The following CEP128 variants were observed in gnomAD, a reference collection of about 807,000 sequenced individuals.
CEP128 encodes the protein centrosomal protein 128.
CEP128 carries 132 observed loss-of-function variants against 156.7 expected under a neutral mutation model. The observed-to-expected ratio is 0.84, with a 90% CI of 0.73 to 0.97. The LOEUF is 0.97. Among genes scored for constraint, CEP128 ranks in the 50% least tolerant of loss-of-function variants. The pLI is 0.00. For synonymous variants in CEP128, 469 were observed against 448.9 expected (o/e 1.04, Z -0.57); for missense variants, 1,252 against 1,281.9 (o/e 0.98, Z 0.36).
At chr14:80,488,701 A>C (rs1887227451), downstream of CEP128, among the ~76,000 whole-genome samples, 1 of 152,208 alleles carries the variant, frequency 6.6e-6, no homozygotes, top group South Asian at 2.1e-4. Context: ...TTATTGCGGC[A>C]CTATTCAAAA....
chr14:80,681,574 C>G (rs930239824), intron 19 of CEP128, among the ~76,000 whole-genome samples: 9 of 152,118 alleles, frequency 5.9e-5, no homozygotes, highest in African/African-American at 2.2e-4. Flanking sequence ...GGGGTGGTTT[C>G]CCCCATGTTG....
intron 8 of CEP128, among the ~76,000 whole-genome samples, chr14:80,868,025 A>T (rs1350749457): frequency 2.0e-5 from 3 of 152,166 alleles, no homozygotes; most frequent in Non-Finnish European, 2.9e-5. Flanking sequence ...TTCTCAGCAG[A>T]AACCAGGAGA....
intron 19 of CEP128, among the ~76,000 whole-genome samples, chr14:80,620,704 C>G (rs1257779050): frequency 1.3e-5 from 2 of 152,062 alleles, no homozygotes; most frequent in Non-Finnish European, 2.9e-5. Context: ...TTGAAAGAAC[C>G]AGGAAATGAT....
At chr14:80,854,467 C>T (rs1474170752) in intron 9 of CEP128, among the ~76,000 whole-genome samples, 1 of 152,010 alleles carries the variant, frequency 6.6e-6, no homozygotes, top group Non-Finnish European at 1.5e-5. Context: ...TATATATAGT[C>T]TATATACATC....
At chr14:80,908,246 G>C (rs909663986) in intron 4 of CEP128, among the ~76,000 whole-genome samples, 4 of 151,692 alleles carry the variant, frequency 2.6e-5, no homozygotes, top group Non-Finnish European at 5.9e-5. Context: ...AAATTCTCAG[G>C]CATCATCTTT....
chr14:80,609,118 A>G (rs1011378406), intron 19 of CEP128, among the ~76,000 whole-genome samples: 8 of 152,206 alleles, frequency 5.3e-5, no homozygotes, highest in Non-Finnish European at 7.3e-5. Flanking sequence ...AAGATTATAA[A>G]TTTCTACAGT....
intron 10 of CEP128, among the ~76,000 whole-genome samples, chr14:80,840,082 C>T (rs1365561541): frequency 6.6e-6 from 1 of 152,082 alleles, no homozygotes; most frequent in African/African-American, 2.4e-5. Context: ...AGCAATAATA[C>T]GGAGTAAAGA....
chr14:80,615,385 T>A (rs1893166843), intron 19 of CEP128, among the ~76,000 whole-genome samples: 1 of 151,984 alleles, frequency 6.6e-6, no homozygotes, highest in African/African-American at 2.4e-5. Flanking sequence ...AGCCGTAGAG[T>A]ATCTCCAAAA....
intron 6 of CEP128, among the ~76,000 whole-genome samples, chr14:80,903,336 C>A (rs1331093513): frequency 6.6e-6 from 1 of 152,012 alleles, no homozygotes; most frequent in East Asian, 1.9e-4. Context: ...TTATAACACA[C>A]AAAAAAGTCA....
chr14:80,802,824 T>C (rs1381047593), intron 13 of CEP128, among the ~76,000 whole-genome samples: 1 of 152,210 alleles, frequency 6.6e-6, no homozygotes, highest in Non-Finnish European at 1.5e-5. Flanking sequence ...ATGCTAACAC[T>C]AGGATATTAA....
At chr14:80,887,586 C>G (rs1888870099) in intron 8 of CEP128, among the ~76,000 whole-genome samples, 1 of 152,076 alleles carries the variant, frequency 6.6e-6, no homozygotes, top group Non-Finnish European at 1.5e-5. Flanking sequence ...CCAATGAGAA[C>G]AAAGACACAA....
At chr14:80,592,017 G>T (rs1003135545) in intron 19 of CEP128, among the ~76,000 whole-genome samples, 1 of 152,160 alleles carries the variant, frequency 6.6e-6, no homozygotes, top group African/African-American at 2.4e-5. Flanking sequence ...TGTTTAGAGG[G>T]AAATTTATAG....
At chr14:80,861,749 G>A (rs899047045) in intron 9 of CEP128, among the ~76,000 whole-genome samples, 7 of 152,176 alleles carry the variant, frequency 4.6e-5, no homozygotes, top group South Asian at 2.1e-4. Flanking sequence ...TGAATAAAAC[G>A]TATAGATTAA....
At position 80,827,107 on chromosome 14, in the gene CEP128, T is replaced by A. The variant is rs369475510; in HGVS notation, c.1209+4036A>T. Among the ~76,000 whole-genome samples the A allele has an allele frequency of 7.9e-5, 12 of 152,324 alleles. No individual in the cohort carries two copies. In the East Asian group the frequency reaches 1.7e-3, roughly 22 times the overall value. On this transcript the variant is annotated intron_variant, in intron 13 of 24. Coordinates refer to ENST00000555265, the MANE Select transcript of CEP128 (RefSeq NM_152446.5). ...TAATGTAAAACAACTGCTTGAAATA[T>A]ATATTCTGGATCAACAAAAACTAAT...
chr14:80,832,494 A>G (rs1885859533), intron 12 of CEP128, among the ~76,000 whole-genome samples: 1 of 152,228 alleles, frequency 6.6e-6, no homozygotes, highest in South Asian at 2.1e-4. Flanking sequence ...TCAAAATTGT[A>G]CATATTAGAA....
At chr14:80,956,028 C>T (rs1353488846) in intron 2 of CEP128, 1 of 728,376 alleles carries the variant, frequency 1.4e-6, no homozygotes, top group South Asian at 1.7e-5. Context: ...ATCGCCCACA[C>T]TTGGGAAGGT....
At chr14:80,534,031 A>G (rs1290214930) in intron 21 of CEP128, among the ~76,000 whole-genome samples, 1 of 152,226 alleles carries the variant, frequency 6.6e-6, no homozygotes, top group Non-Finnish European at 1.5e-5. Flanking sequence ...GGCATTTGCA[A>G]CAACAAGATG....
chr14:80,488,291 AAAAC>A (rs1359256800), downstream of CEP128, among the ~76,000 whole-genome samples: 1 of 124,886 alleles, frequency 8.0e-6, no homozygotes, highest in African/African-American at 2.7e-5. Flanking sequence ...TTACAAGAAA[AAAAC>A]AAACAACCCC....
At chr14:80,677,994 A>C (rs1896134615) in intron 19 of CEP128, among the ~76,000 whole-genome samples, 1 of 150,128 alleles carries the variant, frequency 6.7e-6, no homozygotes, top group Non-Finnish European at 1.5e-5. Flanking sequence ...AAGGTTATTT[A>C]TCAATTCCTA....
Sources: gnomAD v4.1 joint callset for allele counts (sites outside exome capture counted in the v4.1 genomes callset) on GRCh38, gnomAD v4.1.1 for gene constraint, MANE v1.5 for transcripts, NCBI Gene and HGNC (gene_info 2026-07-23, HGNC 2026-07-21) for gene names.